The following PTPRK variants were observed in gnomAD, a reference collection of about 807,000 sequenced individuals.
PTPRK encodes the protein receptor-type tyrosine-protein phosphatase kappa.
Under a neutral mutation model 178.0 loss-of-function variants are expected in PTPRK, and 75 were observed. The ratio of observed to expected loss-of-function variants is 0.42; its 90% CI spans 0.35 to 0.51. The LOEUF (loss-of-function observed/expected upper bound fraction) is 0.51. Ranked by LOEUF, PTPRK falls within the 20% of genes least tolerant of loss-of-function variation. The pLI, the probability that PTPRK is intolerant of heterozygous loss-of-function variation, is 0.02. For synonymous variants in PTPRK, 637 were observed against 620.6 expected, an observed-to-expected ratio of 1.03 and a Z score of -0.39; for missense variants, 1,441 against 1,797.8, an observed-to-expected ratio of 0.80 and a Z score of 3.59.
In PTPRK at chr6:128,078,860, T is replaced by C. The variant is rs1784310493; in HGVS notation, c.1836A>G (p.Thr612=). 1.2e-6 allele frequency: 2 copies of C among 1,612,358 alleles called. No homozygotes were observed. Among genetic ancestry groups the C allele is most frequent in the African/African-American group, 1.3e-5 (1 of 74,816 alleles). Residue 612 remains threonine, a synonymous_variant, in exon 11 of 30, where the codon ACA becomes ACG. Coordinates refer to ENST00000368226, the MANE Select transcript of PTPRK (RefSeq NM_002844.4). The part of the protein sequence containing the change: ...VDASLNETAT[T]ITVLLRPAQA... The stretch of plus-strand genomic sequence containing the variant: ...GTGCTGGTCTCAACAATACAGTTAT[T>C]GTGGTGGCAGTTTCATTGAGAGAGG...
intron 3 of PTPRK, among the ~76,000 whole-genome samples, chr6:128,300,185 C>T (rs1018679628): frequency 1.3e-5 from 2 of 152,066 alleles, no homozygotes; most frequent in African/African-American, 4.8e-5. Flanking sequence ...CCATCTCACA[C>T]CAGTTAGAAT....
At chr6:128,366,151 A>T (rs939687893) in intron 2 of PTPRK, among the ~76,000 whole-genome samples, 6 of 152,134 alleles carry the variant, frequency 3.9e-5, no homozygotes, top group African/African-American at 1.4e-4. Context: ...ACAAAAATGA[A>T]GCGAGCCTTA....
At chr6:128,150,252 C>G (rs1479951440) in intron 7 of PTPRK, among the ~76,000 whole-genome samples, 1 of 152,042 alleles carries the variant, frequency 6.6e-6, no homozygotes, top group East Asian at 1.9e-4. Flanking sequence ...CTTTTTAAAG[C>G]TTTTAATATC....
intron 2 of PTPRK, among the ~76,000 whole-genome samples, chr6:128,349,026 C>G (rs2128336046): frequency 6.6e-6 from 1 of 152,058 alleles, no homozygotes; most frequent in Non-Finnish European, 1.5e-5. Flanking sequence ...CCTTATTCCA[C>G]ATAAGAAGGC....
chr6:127,993,466 T>G (rs1399062543), intron 18 of PTPRK, among the ~76,000 whole-genome samples: 1 of 151,642 alleles, frequency 6.6e-6, no homozygotes, highest in Non-Finnish European at 1.5e-5. Context: ...AAAATGTTGA[T>G]GATATGATCC....
chr6:128,043,889 C>G (rs6569520), intron 13 of PTPRK, among the ~76,000 whole-genome samples: 130,122 of 151,830 alleles, frequency 0.86, 55,970 homozygotes, highest in East Asian at 1. Context: ...GTATATGACA[C>G]ATTTGTGTAT....
At chr6:128,402,630 A>G (rs7774802) in intron 1 of PTPRK, among the ~76,000 whole-genome samples, 7,382 of 152,172 alleles carry the variant, frequency 0.049, 592 homozygotes, top group African/African-American at 0.17. Context: ...TTTCCTTTTA[A>G]CGCTACACTT....
intron 6 of PTPRK, among the ~76,000 whole-genome samples, chr6:128,199,057 C>T (rs1805434547): frequency 6.6e-6 from 1 of 152,144 alleles, no homozygotes; most frequent in Admixed American, 6.6e-5. Flanking sequence ...AAATTTTTTG[C>T]CAGTACCTCC....
At chr6:128,188,182 C>T (rs112049598) in intron 6 of PTPRK, among the ~76,000 whole-genome samples, 62 of 152,258 alleles carry the variant, frequency 4.1e-4, no homozygotes, top group Non-Finnish European at 7.9e-4. Context: ...TAATGACTTA[C>T]ATTCATTATT....
chr6:128,106,640 C>T (rs962657784), intron 7 of PTPRK, among the ~76,000 whole-genome samples: 5 of 152,116 alleles, frequency 3.3e-5, no homozygotes, highest in Admixed American at 3.3e-4. Context: ...TTGGGCCTAC[C>T]CACTCATTTT....
intron 3 of PTPRK, among the ~76,000 whole-genome samples, chr6:128,307,219 A>G (rs1826541730): frequency 6.6e-6 from 1 of 150,732 alleles, no homozygotes; most frequent in African/African-American, 2.4e-5. Flanking sequence ...ACACACACAT[A>G]CAAGACAAAC....
chr6:128,428,214 C>T (rs577909491), intron 1 of PTPRK, among the ~76,000 whole-genome samples: 1 of 152,284 alleles, frequency 6.6e-6, no homozygotes, highest in East Asian at 1.9e-4. Flanking sequence ...AATGGAGTTA[C>T]TCACTCAGCG....
intron 4 of PTPRK, among the ~76,000 whole-genome samples, chr6:128,242,037 G>T (rs912770240): frequency 1.3e-5 from 2 of 149,816 alleles, no homozygotes; most frequent in Non-Finnish European, 3.0e-5. Context: ...GAGTTAGCCA[G>T]ACATTTATTA....
At chr6:128,101,154 A>T (rs1037868272) in intron 7 of PTPRK, among the ~76,000 whole-genome samples, 1 of 152,080 alleles carries the variant, frequency 6.6e-6, no homozygotes, top group Non-Finnish European at 1.5e-5. Flanking sequence ...AAAGTGTAAA[A>T]GAACTGGGAG....
Position 128,506,225 on chromosome 6 carries a change from C to T in PTPRK, c.100+14034G>A, listed in dbSNP as rs148746447. On this transcript the variant is annotated intron_variant, in intron 1 of 29. Transcript: ENST00000368226. ...TCTCATTCTAAATCTGAGTGCTACT[C>T]CCAGATAGGACATAATACTTACTGG... 1.0e-3 allele frequency among the ~76,000 whole-genome samples: 157 copies of T among 152,228 alleles called. 1 individual carries two copies. Among genetic ancestry groups the T allele is most frequent in the African/African-American group, 3.5e-3 (145 of 41,550 alleles).
intron 1 of PTPRK, among the ~76,000 whole-genome samples, chr6:128,441,865 C>A (rs1275921540): frequency 6.6e-6 from 1 of 152,038 alleles, no homozygotes; most frequent in African/African-American, 2.4e-5. Flanking sequence ...AAAGAGAAGC[C>A]ATCAGAAAAG....
In PTPRK at chr6:128,519,068, A is replaced by T. The variant is rs750928403; in HGVS notation, c.100+1191T>A. On this transcript the variant is annotated intron_variant, in intron 1 of 29. Transcript: ENST00000368226. This position sits in a 1 kb window ranked among gnomAD's most constrained non-coding sequence, Gnocchi z 4.3. ...TGTCGCTTTTCCCGTCTTCTCCATCACCCTCTGGCCACCACTGCGTCTCCA... is the reference window on the plus strand; with the variant it reads ...TGTCGCTTTTCCCGTCTTCTCCATCTCCCTCTGGCCACCACTGCGTCTCCA... 3.8e-6 allele frequency: 2 copies of T among 531,564 alleles called. No individual in the cohort carries two copies. The highest frequency in any genetic ancestry group is 3.9e-5 in the Admixed American group (2 of 51,436). The allele number at this position is 531,564 out of a possible 1,614,324, so 32.9% of individuals were successfully genotyped here. A position where few individuals can be genotyped will look rare whatever the true frequency, so the allele number is the denominator to read the frequency against.
At chr6:128,272,060 T>C (rs1462355530) in intron 3 of PTPRK, among the ~76,000 whole-genome samples, 1 of 152,044 alleles carries the variant, frequency 6.6e-6, no homozygotes, top group East Asian at 1.9e-4. Context: ...TTAAAACCAA[T>C]ACAACCATCT....
At chr6:128,211,208 A>G (rs1808096143) in intron 6 of PTPRK, among the ~76,000 whole-genome samples, 2 of 152,054 alleles carry the variant, frequency 1.3e-5, no homozygotes, top group South Asian at 4.1e-4. Context: ...AAGCCGCCAT[A>G]TTTTCTGCCA....
Sources: gnomAD v4.1 joint callset for allele counts (sites outside exome capture counted in the v4.1 genomes callset) on GRCh38, gnomAD v4.1.1 for gene constraint, Gnocchi (gnomAD v3.1) non-coding constraint, MANE v1.5 for transcripts, NCBI Gene and HGNC (gene_info 2026-07-23, HGNC 2026-07-21) for gene names.